LOC128092252: variants seen among roughly 807,000 people sequenced by gnomAD.
the LOC128092252 span, among the ~76,000 whole-genome samples, chr15:50,663,415 C>T: frequency 9.2e-5 from 14 of 152,252 alleles, no homozygotes; most frequent in South Asian, 2.1e-4. Flanking sequence ...CGTGAGCCAC[C>T]GTGCCCGGCC....
At chr15:50,655,658 T>C in the LOC128092252 span, among the ~76,000 whole-genome samples, 2 of 152,028 alleles carry the variant, frequency 1.3e-5, no homozygotes, top group South Asian at 2.1e-4. Flanking sequence ...ACAGCTGCCT[T>C]CTCATTAGAA....
At chr15:50,683,058 T>A in the LOC128092252 span, among the ~76,000 whole-genome samples, 1 of 151,984 alleles carries the variant, frequency 6.6e-6, no homozygotes, top group African/African-American at 2.4e-5. Context: ...AATGTTTTTT[T>A]ATTTTTTTTG....
chr15:50,675,132 C>T, the LOC128092252 span, among the ~76,000 whole-genome samples: 1 of 152,144 alleles, frequency 6.6e-6, no homozygotes, highest in African/African-American at 2.4e-5. Flanking sequence ...CACCTGAGGT[C>T]AGGAGTTTGA....
At chr15:50,668,005 T>C in the LOC128092252 span, among the ~76,000 whole-genome samples, 1 of 152,214 alleles carries the variant, frequency 6.6e-6, no homozygotes, top group African/African-American at 2.4e-5. Flanking sequence ...ATTATTATGT[T>C]AAATTATTGT....
the LOC128092252 span, among the ~76,000 whole-genome samples, chr15:50,678,064 C>T: frequency 6.7e-6 from 1 of 149,728 alleles, no homozygotes; most frequent in Non-Finnish European, 1.5e-5. Flanking sequence ...ATGGTGAAAC[C>T]ACGTCTCTAC....
At chr15:50,661,844 T>C in the LOC128092252 span, among the ~76,000 whole-genome samples, 1 of 152,170 alleles carries the variant, frequency 6.6e-6, no homozygotes, top group Admixed American at 6.6e-5. Context: ...TAAGTGCCCA[T>C]GAAGAAAAGT....
the LOC128092252 span, among the ~76,000 whole-genome samples, chr15:50,683,753 AAAC>A: frequency 6.6e-6 from 1 of 152,172 alleles, no homozygotes; most frequent in African/African-American, 2.4e-5. Context: ...ACAACAAAAA[AAAC>A]AAGTGCAAGA....
the LOC128092252 span, among the ~76,000 whole-genome samples, chr15:50,668,917 C>A: frequency 6.6e-6 from 1 of 152,290 alleles, no homozygotes; most frequent in Admixed American, 6.5e-5. Context: ...GATGTGCTCT[C>A]CTTAAAGGAA....
chr15:50,662,408 T>G, the LOC128092252 span, among the ~76,000 whole-genome samples: 1 of 152,180 alleles, frequency 6.6e-6, no homozygotes, highest in African/African-American at 2.4e-5. Flanking sequence ...TTTCTTCAGT[T>G]ACTAAGTTAA....
the LOC128092252 span, among the ~76,000 whole-genome samples, chr15:50,655,173 C>T: frequency 8.0e-5 from 12 of 150,652 alleles, no homozygotes; most frequent in East Asian, 9.7e-4. Context: ...CAGTGGCTCA[C>T]GCCTGTAATC....
the LOC128092252 span, among the ~76,000 whole-genome samples, chr15:50,673,649 T>TATATAC: frequency 7.9e-5 from 12 of 152,050 alleles, no homozygotes; most frequent in African/African-American, 2.9e-4. Context: ...TATATATATA[T>TATATAC]ACCACAGTTT....
chr15:50,654,857 C>CG, the LOC128092252 span, among the ~76,000 whole-genome samples: 1 of 149,240 alleles, frequency 6.7e-6, no homozygotes, highest in Non-Finnish European at 1.5e-5. Context: ...AAAAACTACC[C>CG]GGGTGTGGCA....
chr15:50,681,725 C>T, the LOC128092252 span, among the ~76,000 whole-genome samples: 2 of 152,166 alleles, frequency 1.3e-5, no homozygotes, highest in Non-Finnish European at 2.9e-5. Context: ...TTAAGGTTTC[C>T]AGAAGTCTGG....
At chr15:50,683,882 T>C in the LOC128092252 span, among the ~76,000 whole-genome samples, 1 of 152,148 alleles carries the variant, frequency 6.6e-6, no homozygotes, top group Non-Finnish European at 1.5e-5. Flanking sequence ...CAAGTCTTTT[T>C]TTTTTGAGAA....
chr15:50,653,574 CAT>C, the LOC128092252 span, among the ~76,000 whole-genome samples: 29 of 152,154 alleles, frequency 1.9e-4, no homozygotes, highest in Non-Finnish European at 4.1e-4. Flanking sequence ...GAGGGAAACA[CAT>C]GAGGTAAACC....
At chr15:50,666,082 G>C in the LOC128092252 span, among the ~76,000 whole-genome samples, 1 of 152,028 alleles carries the variant, frequency 6.6e-6, no homozygotes, top group African/African-American at 2.4e-5. Context: ...TCAAAGGAAA[G>C]AAATAAAATT....
chr15:50,653,983 A>ATAGCTCTT, the LOC128092252 span, among the ~76,000 whole-genome samples: 1 of 152,196 alleles, frequency 6.6e-6, no homozygotes, highest in Admixed American at 6.6e-5. Flanking sequence ...CCTTAAGAGG[A>ATAGCTCTT]AGGTCCACAT....
At chr15:50,649,662 A>G in the LOC128092252 span, among the ~76,000 whole-genome samples, 1 of 152,172 alleles carries the variant, frequency 6.6e-6, no homozygotes, top group African/African-American at 2.4e-5. Context: ...ATGGTGTCTG[A>G]GGCTGGGGTA....
At chr15:50,650,994 C>T in the LOC128092252 span, among the ~76,000 whole-genome samples, 1 of 152,114 alleles carries the variant, frequency 6.6e-6, no homozygotes, top group African/African-American at 2.4e-5. Context: ...TTTAGACCAG[C>T]CCGGGCAACA....
Sources: gnomAD v4.1 joint callset for allele counts (sites outside exome capture counted in the v4.1 genomes callset) on GRCh38, gnomAD v4.1.1 for gene constraint, MANE v1.5 for transcripts.